Variants in MSANTD4 observed in about 807,000 individuals in gnomAD.
MSANTD4 encodes the protein myb/SANT-like DNA-binding domain-containing protein 4.
In MSANTD4, 13 loss-of-function variants were observed where a neutral mutation model predicts 34.3. The observed-to-expected ratio is 0.38, with a 90% CI of 0.25 to 0.60. MSANTD4 has a LOEUF of 0.60. Ranked by LOEUF, MSANTD4 falls within the 20% of genes least tolerant of loss-of-function variation. MSANTD4 has a pLI of 0.63. For synonymous variants in MSANTD4, 137 were observed against 145.2 expected (o/e 0.94, Z 0.41); for missense variants, 358 against 401.8 (o/e 0.89, Z 0.93).
chr11:106,019,347 G>A (rs1470395749), intron 1 of MSANTD4, among the ~76,000 whole-genome samples: 1 of 152,164 alleles, frequency 6.6e-6, no homozygotes, highest in Non-Finnish European at 1.5e-5. Context: ...ACAGGTAAAA[G>A]TGAGTATTTT....
At chr11:106,018,020 G>C (rs1180341968) in intron 1 of MSANTD4, among the ~76,000 whole-genome samples, 1 of 151,990 alleles carries the variant, frequency 6.6e-6, no homozygotes, top group South Asian at 2.1e-4. Flanking sequence ...TCCTCGGACC[G>C]CATCTTGAGT....
In MSANTD4 at chr11:106,021,018, G is replaced by A. The variant is rs1360158567; in HGVS notation, c.-207C>T. The A allele has an allele frequency of 6.6e-6, 1 of 151,980 alleles. No individual in the cohort carries two copies. Among genetic ancestry groups the A allele is most frequent in the African/African-American group, 2.4e-5 (1 of 41,350 alleles). 9.4% of individuals were successfully genotyped at this position (151,980 alleles called of 1,614,324 possible). ...CTTCCTGTCCTCTCCTTTATATGCC[G>A]GTATCCAAGTAACAGAAGCTTGGGT... On this transcript the variant is annotated 5_prime_UTR_variant, in exon 1 of 3. Transcript: ENST00000301919.
intron 1 of MSANTD4, among the ~76,000 whole-genome samples, chr11:106,016,303 A>T (rs1292486123): frequency 2.0e-5 from 3 of 152,242 alleles, no homozygotes; most frequent in Non-Finnish European, 4.4e-5. Context: ...TACCATGTTT[A>T]TAAGCCACAA....
At position 106,009,664 on chromosome 11, in the gene MSANTD4, T is replaced by C. The variant is rs780146760; in HGVS notation, c.909A>G (p.Glu303=). The change falls in exon 3 of 3, where the codon GAA becomes GAG. Residue 303 remains glutamate (E), a synonymous_variant. Transcript: ENST00000301919. ...GCCTATCCTTTTCCAGTTGCAAGCG[T>C]TCTCGCTCAAGTTTTAACTTCTCTG... ...IETEKLKLER[E]RLQLEKDRLQ... is the part of the protein sequence containing the mutation. The C allele has an allele frequency of 6.2e-7, 1 of 1,614,224 alleles. No individual in the cohort carries two copies. The highest frequency in any genetic ancestry group is 1.1e-5 in the South Asian group (1 of 91,078).
intron 1 of MSANTD4, among the ~76,000 whole-genome samples, chr11:106,019,902 T>G (rs1434958388): frequency 1.3e-5 from 2 of 152,232 alleles, no homozygotes; most frequent in Non-Finnish European, 2.9e-5. Flanking sequence ...GCGAATTACT[T>G]AACCTCTTAA....
At position 106,017,654 on chromosome 11, in the gene MSANTD4, G is replaced by A. The variant is rs186668281; in HGVS notation, c.-151+3308C>T. ...TTATAATAGTATGTAAATATTTATG[G>A]ACAAATTATATGTATTACATGAATA... is the stretch of plus-strand genomic sequence containing the variant. On this transcript the variant is annotated intron_variant, in intron 1 of 2. Transcript: ENST00000301919. Among the ~76,000 whole-genome samples the A allele has an allele frequency of 4.8e-4, 73 of 151,888 alleles. 1 individual carries two copies. Among genetic ancestry groups the A allele is most frequent in the Middle Eastern group, 3.4e-3 (1 of 292 alleles).
Position 106,009,873 on chromosome 11 carries a change from G to C in MSANTD4, c.700C>G (p.Gln234Glu). 6.2e-7 allele frequency: 1 copy of C among 1,613,658 alleles called. No individual in the cohort carries two copies. Among genetic ancestry groups the C allele is most frequent in the Non-Finnish European group, 8.5e-7 (1 of 1,179,930 alleles). Reference protein sequence around the residue: ...ERLQVEKERLQIEKERLRHLD... With the variant: ...ERLQVEKERLEIEKERLRHLD... ...TGCCGCAGCCTCTCTTTCTCGATTT[G>C]TAGGCGTTCCTTTTCTACCTGCAGC... The change falls in exon 3 of 3, where the codon CAA (glutamine) becomes GAA (glutamate). Residue 234 changes from glutamine to glutamate, a missense_variant. Coordinates refer to ENST00000301919, the MANE Select transcript of MSANTD4 (RefSeq NM_032424.3).
At chr11:106,013,979 C>T (rs577300882) in intron 1 of MSANTD4, among the ~76,000 whole-genome samples, 3 of 152,330 alleles carry the variant, frequency 2.0e-5, no homozygotes, top group African/African-American at 7.2e-5. Context: ...TTCTTTCAAT[C>T]GGTTACATTT....
Position 106,009,541 on chromosome 11 carries a change from CA to C in MSANTD4, c.1031del (p.Leu344CysfsTer23), listed in dbSNP as rs1432674144. The C allele has an allele frequency of 6.3e-7, 1 of 1,596,918 alleles. No homozygotes were observed. The highest frequency in any genetic ancestry group is 8.5e-7 in the Non-Finnish European group (1 of 1,171,458). On this transcript the variant is annotated frameshift_variant, in exon 3 of 3. Coordinates refer to ENST00000301919, the MANE Select transcript of MSANTD4 (RefSeq NM_032424.3). LOFTEE classifies it high-confidence loss of function. ...AAATGGAAGCCTGGAAAAATCACTG[CA>C]AGTGTCCTTCTTTCTGAATTCGAAG... ...DRLRIQKEGH[L>X]Q
At chr11:106,017,221 A>C (rs1169459555) in intron 1 of MSANTD4, among the ~76,000 whole-genome samples, 1 of 152,232 alleles carries the variant, frequency 6.6e-6, no homozygotes, top group East Asian at 1.9e-4. Context: ...CAAAATTGGC[A>C]AAGGAAATGC....
rs895199504 is a variant in MSANTD4, at chr11:106,008,582, T to C, written c.*953A>G. 4.7e-4 allele frequency: 72 copies of C among 152,312 alleles called. No individual in the cohort carries two copies. Among genetic ancestry groups the C allele is most frequent in the African/African-American group, 1.7e-3 (69 of 41,564 alleles). The allele number at this position is 152,312 out of a possible 1,614,324, so 9.4% of individuals were successfully genotyped here. A position where few individuals can be genotyped will look rare whatever the true frequency, so the allele number is the denominator to read the frequency against. On this transcript the variant is annotated 3_prime_UTR_variant, in exon 3 of 3. Transcript: ENST00000301919. ...ATTACTTATTTTAAAAGTCAAACAATCAGTCATTGGGTTCAAGCTCATGGA... is the reference window on the plus strand; with the variant it reads ...ATTACTTATTTTAAAAGTCAAACAACCAGTCATTGGGTTCAAGCTCATGGA...
intron 1 of MSANTD4, among the ~76,000 whole-genome samples, chr11:106,019,448 G>C (rs762767799): frequency 2.6e-5 from 4 of 152,114 alleles, no homozygotes; most frequent in Non-Finnish European, 5.9e-5. Flanking sequence ...TAAGGCTACT[G>C]GCTACCATAC....
chr11:106,020,488 T>C (rs1859999967), intron 1 of MSANTD4, among the ~76,000 whole-genome samples: 1 of 152,204 alleles, frequency 6.6e-6, no homozygotes, highest in African/African-American at 2.4e-5. Flanking sequence ...ATAAAAATGA[T>C]TGAAGTTGTC....
chr11:106,018,400 C>T (rs780481212), intron 1 of MSANTD4, among the ~76,000 whole-genome samples: 6 of 152,086 alleles, frequency 3.9e-5, no homozygotes, highest in Non-Finnish European at 8.8e-5. Flanking sequence ...ACCTAAAGAG[C>T]TTTTAAAAAT....
rs776492658 is a variant in MSANTD4, at chr11:106,010,469, G to A, written c.449C>T (p.Pro150Leu). Residue 150 changes from proline to leucine, a missense_variant, in exon 2 of 3, where the codon CCG becomes CTG. Transcript: ENST00000301919. ...EVKVEEEERDPQSPEFEIEEE... is the reference protein window; with the variant it reads ...EVKVEEEERDLQSPEFEIEEE... ...GCTAATACTTACTTCAGGACTCTGC[G>A]GATCCCTTTCTTCCTCTTCCACCTT... 4.2e-5 allele frequency: 68 copies of A among 1,612,800 alleles called. No homozygotes were observed. Among genetic ancestry groups the A allele is most frequent in the Non-Finnish European group, 2.7e-5 (32 of 1,179,518 alleles).
chr11:106,018,952 G>A (rs948427870), intron 1 of MSANTD4, among the ~76,000 whole-genome samples: 2 of 152,182 alleles, frequency 1.3e-5, no homozygotes, highest in African/African-American at 2.4e-5. Context: ...TGCATTATTA[G>A]ATGAATTAAT....
intron 1 of MSANTD4, among the ~76,000 whole-genome samples, chr11:106,020,015 TAGTA>T (rs1859982383): frequency 6.6e-6 from 1 of 152,220 alleles, no homozygotes; most frequent in African/African-American, 2.4e-5. Flanking sequence ...GCCTAAGACA[TAGTA>T]AGCCCACAAA....
chr11:106,016,761 G>A (rs911517099), intron 1 of MSANTD4, among the ~76,000 whole-genome samples: 3 of 152,096 alleles, frequency 2.0e-5, no homozygotes, highest in Non-Finnish European at 4.4e-5. Flanking sequence ...TAAACAATGA[G>A]ACAGTTAACA....
intron 1 of MSANTD4, among the ~76,000 whole-genome samples, chr11:106,016,867 A>C (rs1039349661): frequency 2.0e-5 from 3 of 152,136 alleles, no homozygotes; most frequent in Admixed American, 2.0e-4. Flanking sequence ...AAGGACATTA[A>C]AAAAAATAAA....
Sources: allele counts gnomAD v4.1 joint callset (sites outside exome capture counted in the v4.1 genomes callset), GRCh38; gene constraint gnomAD v4.1.1; transcripts MANE v1.5; gene names NCBI Gene and HGNC (gene_info 2026-07-23, HGNC 2026-07-21).